SLC28A3: variants seen among roughly 807,000 people sequenced by gnomAD.
SLC28A3 encodes solute carrier family 28 member 3.
SLC28A3 carries 68 observed loss-of-function variants against 84.2 expected under a neutral mutation model. That is an observed-to-expected ratio of 0.81 (90% CI 0.66 to 0.99). The LOEUF (loss-of-function observed/expected upper bound fraction) is 0.99, where lower values mean the gene tolerates loss of function less well. Among genes scored for constraint, SLC28A3 ranks in the 50% least tolerant of loss-of-function variants. SLC28A3 has a pLI of 0.00. For synonymous variants in SLC28A3, 267 were observed against 303.6 expected (o/e 0.88, Z 1.25); for missense variants, 712 against 841.5 (o/e 0.85, Z 1.90).
chr9:84,321,892 A>C (rs1260368771), intron 1 of SLC28A3, among the ~76,000 whole-genome samples: 1 of 151,914 alleles, frequency 6.6e-6, no homozygotes, highest in Non-Finnish European at 1.5e-5. Context: ...TCTACTAAAA[A>C]CACAAAAATT....
At chr9:84,292,811 G>A in intron 9 of SLC28A3, 63 bp from the exon 10 acceptor site, 1 of 1,176,850 alleles carries the variant, frequency 8.5e-7, no homozygotes, top group Admixed American at 2.8e-5. Flanking sequence ...CTTCAAAGTA[G>A]GGATTAAAAT....
upstream of SLC28A3, among the ~76,000 whole-genome samples, chr9:84,341,949 C>T (rs976051480): frequency 3.3e-5 from 5 of 151,718 alleles, no homozygotes; most frequent in Admixed American, 6.6e-5. Flanking sequence ...GCCAACATGG[C>T]GAAACTCCAT....
intron 6 of SLC28A3, 80 bp downstream of exon 6, chr9:84,299,501 C>A (rs1222053513): frequency 1.3e-6 from 2 of 1,552,976 alleles, no homozygotes; most frequent in Non-Finnish European, 1.8e-6. Context: ...TAGTTAAATT[C>A]TCTCACAATC....
At chr9:84,293,303 G>A (rs1390537342) in intron 9 of SLC28A3, among the ~76,000 whole-genome samples, 1 of 152,188 alleles carries the variant, frequency 6.6e-6, no homozygotes, top group Non-Finnish European at 1.5e-5. Flanking sequence ...CTTTCAACTA[G>A]AGATGGTGGA....
At chr9:84,298,171 A>C in intron 6 of SLC28A3, 152 bp from the exon 7 acceptor site, 1 of 656,184 alleles carries the variant, frequency 1.5e-6, no homozygotes, top group Non-Finnish European at 2.6e-6. Context: ...ATAAGCAGAG[A>C]ACCCTTTGAT....
chr9:84,284,231 CT>C (rs1824885606), intron 14 of SLC28A3, among the ~76,000 whole-genome samples: 1 of 152,140 alleles, frequency 6.6e-6, no homozygotes, highest in Non-Finnish European at 1.5e-5. Context: ...TTGGTGGCAT[CT>C]AAACAATGAG....
chr9:84,356,199 G>T, the SLC28A3 span, among the ~76,000 whole-genome samples: 2,797 of 152,158 alleles, frequency 0.018, 29 homozygotes, highest in South Asian at 0.038. Context: ...CTTCCACCCA[G>T]TTCAGCCCAT....
Position 84,318,980 on chromosome 9 carries a change from T to C in SLC28A3, c.61-5526A>G, listed in dbSNP as rs527785457. ...CGGAGAAATTATGAAAAAAAGAGAG[T>C]TAGTACATTTTGAATCTATTTGATA... On this transcript the variant is annotated intron_variant, in intron 1 of 17. Transcript: ENST00000376238. Among the ~76,000 whole-genome samples, 50 of 151,704 alleles carry C rather than the reference T, an allele frequency of 3.3e-4. 2 individuals carry two copies. Among genetic ancestry groups the C allele is most frequent in the Non-Finnish European group, 6.0e-4 (41 of 67,910 alleles).
At chr9:84,320,449 A>C (rs1826337783) in intron 1 of SLC28A3, among the ~76,000 whole-genome samples, 1 of 151,442 alleles carries the variant, frequency 6.6e-6, no homozygotes, top group Non-Finnish European at 1.5e-5. Context: ...ACCATAGACT[A>C]CTTCCTCTTC....
Position 84,313,680 on chromosome 9 carries a change from C to T in SLC28A3, c.61-226G>A, listed in dbSNP as rs533435148. Among the ~76,000 whole-genome samples the T allele has an allele frequency of 3.3e-4, 50 of 151,612 alleles. No individual in the cohort carries two copies. The South Asian group carries it at 0.01, about 31-fold the overall frequency. Reference sequence around the variant, plus strand: ...CTGTAATCCCAGCATGATGGGAGGCCGAAGTGGGAGGGGAGACCAGCCTGG... The same window carrying T: ...CTGTAATCCCAGCATGATGGGAGGCTGAAGTGGGAGGGGAGACCAGCCTGG... On this transcript the variant is annotated intron_variant, in intron 1 of 17. Transcript: ENST00000376238.
At chr9:84,318,236 C>T (rs1826239376) in intron 1 of SLC28A3, among the ~76,000 whole-genome samples, 1 of 152,032 alleles carries the variant, frequency 6.6e-6, no homozygotes, top group South Asian at 2.1e-4. Context: ...GGTTTAGAGG[C>T]CAGGTAAGGA....
intron 3 of SLC28A3, among the ~76,000 whole-genome samples, chr9:84,307,132 CA>C (rs34204820): frequency 1.8e-3 from 220 of 119,618 alleles, no homozygotes; most frequent in Admixed American, 2.0e-3. Flanking sequence ...CCGTCTCAAC[CA>C]AAAAAAAAAA....
At chr9:84,314,093 C>A (rs540873560) in intron 1 of SLC28A3, among the ~76,000 whole-genome samples, 2 of 152,098 alleles carry the variant, frequency 1.3e-5, no homozygotes, top group Non-Finnish European at 2.9e-5. Context: ...TGAACTAAAA[C>A]GTGGTAAACC....
intron 1 of SLC28A3, among the ~76,000 whole-genome samples, chr9:84,323,751 G>C (rs571196433): frequency 6.6e-6 from 1 of 151,928 alleles, no homozygotes; most frequent in Admixed American, 6.6e-5. Flanking sequence ...CCCCACCCCA[G>C]TACTTGATTT....
Position 84,305,341 on chromosome 9 carries a change from A to G in SLC28A3, c.247T>C (p.Leu83=). The part of the protein sequence containing the change: ...DDEEMQQKGC[L]ERRYDTVCGF... ...CATACTGTGTCATACCTCCTTTCCA[A>G]ACACCTGCAACATAAAAGCAAAAAG... The change falls in exon 4 of 18, where the codon TTG becomes CTG. Residue 83 remains leucine, a synonymous_variant. Transcript: ENST00000376238. 1 of 1,612,692 alleles carries G rather than the reference A, an allele frequency of 6.2e-7. No homozygotes were observed. Among genetic ancestry groups the G allele is most frequent in the South Asian group, 1.1e-5 (1 of 90,460 alleles).
the SLC28A3 span, among the ~76,000 whole-genome samples, chr9:84,364,347 TC>T: frequency 6.6e-6 from 1 of 152,234 alleles, no homozygotes; most frequent in East Asian, 1.9e-4. Context: ...TCCACTCACC[TC>T]AGCCTCCCAA....
At chr9:84,336,066 T>TAA (rs562485054) in intron 1 of SLC28A3, among the ~76,000 whole-genome samples, 9 of 120,424 alleles carry the variant, frequency 7.5e-5, no homozygotes, top group African/African-American at 2.4e-4. Context: ...AAAGTAATAT[T>TAA]AAAAAAAAAA....
chr9:84,303,508 C>T (rs774202053), intron 4 of SLC28A3, among the ~76,000 whole-genome samples: 4 of 152,136 alleles, frequency 2.6e-5, no homozygotes, highest in African/African-American at 9.7e-5. Flanking sequence ...TTAGTAGAGA[C>T]GGGGTTTCAC....
chr9:84,340,280 C>A (rs1827113553), intron 1 of SLC28A3, among the ~76,000 whole-genome samples: 1 of 151,946 alleles, frequency 6.6e-6, no homozygotes, highest in Admixed American at 6.6e-5. Flanking sequence ...TGGAAAAGTG[C>A]CTGAAGATAA....
Sources: gnomAD v4.1 joint callset for allele counts (sites outside exome capture counted in the v4.1 genomes callset) on GRCh38, gnomAD v4.1.1 for gene constraint, MANE v1.5 for transcripts, NCBI Gene and HGNC (gene_info 2026-07-23, HGNC 2026-07-21) for gene names.